NUDT4: variants seen among roughly 807,000 people sequenced by gnomAD.
The protein encoded by NUDT4 is diphosphoinositol polyphosphate phosphohydrolase 2.
NUDT4 carries 5 observed loss-of-function variants against 23.1 expected under a neutral mutation model. The ratio of observed to expected loss-of-function variants is 0.22; its 90% confidence interval spans 0.11 to 0.46. NUDT4 has a LOEUF of 0.46. Among genes scored for constraint, NUDT4 ranks in the 20% least tolerant of loss-of-function variants. The pLI is 0.99. For missense variants in NUDT4, 96 were observed against 211.6 expected, an observed-to-expected ratio of 0.45 and a Z score of 3.39; for synonymous variants, 50 against 79.0, an observed-to-expected ratio of 0.63 and a Z score of 1.95.
intron 2 of NUDT4, 117 bp downstream of exon 2, chr12:93,394,836 TTTTTAA>T (rs1876815623): frequency 3.3e-6 from 2 of 602,288 alleles, no homozygotes; most frequent in Admixed American, 6.2e-5. Context: ...TGCAACTTTA[TTTTTAA>T]TTTTAATTTT....
chr12:93,403,445 A>T lies in NUDT4; in HGVS notation c.*4066A>T, dbSNP rs896732232. ...GCGATTCTCCTGCCTCATCCTCCCG[A>T]GGAGCTGGGATCACAGGCGCCTGCC... On this transcript the variant is annotated 3_prime_UTR_variant, in exon 5 of 5. Coordinates refer to ENST00000415493, the MANE Select transcript of NUDT4 (RefSeq NM_019094.6). 1 of 152,086 alleles carries T rather than the reference A, an allele frequency of 6.6e-6. No homozygotes were observed. Among genetic ancestry groups the T allele is most frequent in the African/African-American group, 2.4e-5 (1 of 41,340 alleles). The allele number at this position is 152,086 out of a possible 1,614,324, so 9.4% of individuals were successfully genotyped here.
rs1191918115 is a variant in NUDT4, at chr12:93,405,630, G to A, written c.*6251G>A. 6.6e-6 allele frequency: 1 copy of A among 152,206 alleles called. No individual in the cohort carries two copies. The highest frequency in any genetic ancestry group is 2.4e-5 in the African/African-American group (1 of 41,434). 9.4% of individuals were successfully genotyped at this position (152,206 alleles called of 1,614,324 possible). ...TATACCTGACTTCCACGATAAAATG[G>A]AGATGAGTGCAGGGGTGAGTGTATA... On this transcript the variant is annotated 3_prime_UTR_variant, in exon 5 of 5. Transcript: ENST00000415493.
At chr12:93,379,630 T>A (rs536381097) in intron 1 of NUDT4, among the ~76,000 whole-genome samples, 3 of 152,316 alleles carry the variant, frequency 2.0e-5, no homozygotes, top group African/African-American at 7.2e-5. Flanking sequence ...TGCTCTGTGC[T>A]CACTCATAAC....
intron 1 of NUDT4, among the ~76,000 whole-genome samples, chr12:93,382,954 C>T (rs1227666221): frequency 6.6e-6 from 1 of 152,152 alleles, no homozygotes; most frequent in African/African-American, 2.4e-5. Context: ...AGCCACTGCA[C>T]CCGGCTTGGA....
rs1157446222 is a variant in NUDT4 at position 93,406,246 on chromosome 12, C to T, written c.*6867C>T. 1 of 105,918 alleles carries T rather than the reference C, an allele frequency of 9.4e-6. No individual in the cohort carries two copies. The highest frequency in any genetic ancestry group is 1.7e-5 in the Non-Finnish European group (1 of 57,182). 6.6% of individuals were successfully genotyped at this position (105,918 alleles called of 1,614,324 possible). ...TCATGCCACAGCACTCCAGCCTAAA[C>T]TACAGAGCTAGAAAGTGGCTAGAGC... On this transcript the variant is annotated 3_prime_UTR_variant, in exon 5 of 5. Coordinates refer to ENST00000415493, the MANE Select transcript of NUDT4 (RefSeq NM_019094.6).
chr12:93,404,743 G>A lies in NUDT4; in HGVS notation c.*5364G>A, dbSNP rs1485906985. On this transcript the variant is annotated 3_prime_UTR_variant, in exon 5 of 5. Transcript: ENST00000415493. Reference sequence around the variant, plus strand: ...CTGAAAAAGCTTAGTCACTTAAAATGAGGTTGTACAGATTGTAGATTTTGT... The same window carrying A: ...CTGAAAAAGCTTAGTCACTTAAAATAAGGTTGTACAGATTGTAGATTTTGT... The A allele has an allele frequency of 6.6e-6, 1 of 152,170 alleles. No homozygotes were observed. Among genetic ancestry groups the A allele is most frequent in the African/African-American group, 2.4e-5 (1 of 41,432 alleles). The allele number at this position is 152,170 out of a possible 1,614,324, so 9.4% of individuals were successfully genotyped here.
At chr12:93,388,866 T>G (rs956777300) in intron 1 of NUDT4, among the ~76,000 whole-genome samples, 7 of 152,216 alleles carry the variant, frequency 4.6e-5, no homozygotes, top group African/African-American at 1.7e-4. Flanking sequence ...TATTTAATCT[T>G]AAATTTAGCC....
chr12:93,384,901 C>T (rs1318213983), intron 1 of NUDT4, among the ~76,000 whole-genome samples: 1 of 152,230 alleles, frequency 6.6e-6, no homozygotes, highest in Non-Finnish European at 1.5e-5. Flanking sequence ...GGATTACAGG[C>T]ACATGCCATC....
At position 93,399,279 on chromosome 12, in the gene NUDT4, C is replaced by A; in HGVS notation, c.443C>A (p.Ser148Tyr). The A allele has an allele frequency of 8.1e-7, 1 of 1,240,672 alleles. No individual in the cohort carries two copies. Among genetic ancestry groups the A allele is most frequent in the Admixed American group, 1.7e-5 (1 of 58,650 alleles). 76.9% of individuals were successfully genotyped at this position (1,240,672 alleles called of 1,614,324 possible). A position where few individuals can be genotyped will look rare whatever the true frequency, so the allele number is the denominator to read the frequency against. Residue 148 changes from serine (S) to tyrosine (Y), a missense_variant, in exon 5 of 5, where the codon TCC becomes TAC. By Grantham distance (144) the Ser-to-Tyr change is moderately radical. Coordinates refer to ENST00000415493, the MANE Select transcript of NUDT4 (RefSeq NM_019094.6). ...EYLEKLKLGC[S>Y]PANGNSTVPS... ...CTGGAAAAGCTAAAGCTGGGTTGTT[C>A]CCCAGCCAATGGAAATTCTACAGTC...
rs1877595340 is a variant in NUDT4 at position 93,403,163 on chromosome 12, C to T, written c.*3784C>T. Reference sequence around the variant, plus strand: ...GGATGATTGGCATGAGCCACCTCGTCTGGCCTGCAGGTCTTTTTAAGCATT... The same window carrying T: ...GGATGATTGGCATGAGCCACCTCGTTTGGCCTGCAGGTCTTTTTAAGCATT... On this transcript the variant is annotated 3_prime_UTR_variant, in exon 5 of 5. Transcript: ENST00000415493. 1 of 152,006 alleles carries T rather than the reference C, an allele frequency of 6.6e-6. No homozygotes were observed. The highest frequency in any genetic ancestry group is 6.6e-5 in the Admixed American group (1 of 15,254). The allele number at this position is 152,006 out of a possible 1,614,324, so 9.4% of individuals were successfully genotyped here.
At chr12:93,393,345 C>T (rs1482952559) in intron 1 of NUDT4, among the ~76,000 whole-genome samples, 3 of 151,726 alleles carry the variant, frequency 2.0e-5, no homozygotes, top group East Asian at 1.9e-4. Flanking sequence ...CTCAGGTGAT[C>T]GCCCACCTCG....
intron 1 of NUDT4, among the ~76,000 whole-genome samples, chr12:93,383,002 T>TCATCTGTGCCTC (rs1875797936): frequency 6.6e-6 from 1 of 152,000 alleles, no homozygotes; most frequent in African/African-American, 2.4e-5. Flanking sequence ...ACCAACTTCT[T>TCATCTGTGCCTC]CATCTGTGCC....
intron 1 of NUDT4, among the ~76,000 whole-genome samples, chr12:93,387,228 G>A (rs1876171425): frequency 6.6e-6 from 1 of 152,074 alleles, no homozygotes; most frequent in Non-Finnish European, 1.5e-5. Flanking sequence ...CACTGCACCC[G>A]GCTAGACTGT....
intron 3 of NUDT4, among the ~76,000 whole-genome samples, chr12:93,396,560 A>C (rs1876947271): frequency 6.6e-6 from 1 of 152,172 alleles, no homozygotes; most frequent in Non-Finnish European, 1.5e-5. Flanking sequence ...ATTCAGAAAA[A>C]ATCCCGATTT....
Position 93,395,531 on chromosome 12 carries a change from G to A in NUDT4, c.253G>A (p.Glu85Lys). ...ACTAGGCAGACTTCTGGGCATATTT[G>A]AGGTGAGTTAAAAAGTAATCTTCAC... ...GKLGRLLGIF[E>K]NQDRKHRTYV... Residue 85 changes from glutamate to lysine, a missense_variant and splice_region_variant, in exon 3 of 5, where the codon GAG (glutamate) becomes AAG (lysine). Coordinates refer to ENST00000415493, the MANE Select transcript of NUDT4 (RefSeq NM_019094.6). 1 of 1,606,224 alleles carries A rather than the reference G, an allele frequency of 6.2e-7. No homozygotes were observed. The highest frequency in any genetic ancestry group is 1.1e-5 in the South Asian group (1 of 90,868).
At chr12:93,395,554 CACTTTGCTGATAATAGAATTAA>C in intron 3 of NUDT4, 21 bp downstream of exon 3, 1 of 1,578,122 alleles carries the variant, frequency 6.3e-7, no homozygotes, top group East Asian at 2.2e-5. Flanking sequence ...AAGTAATCTT[CACTTTGCTGATAATAGAATTAA>C]TGATTTCTTC....
Position 93,404,191 on chromosome 12 carries a change from G to A in NUDT4, c.*4812G>A, listed in dbSNP as rs530346030. ...AACCTTAAGAAACATGCCTATTGAC[G>A]AAGTAAATATACTAGGAATTCAACG... On this transcript the variant is annotated 3_prime_UTR_variant, in exon 5 of 5. Transcript: ENST00000415493. The A allele has an allele frequency of 4.3e-4, 65 of 152,084 alleles. No individual in the cohort carries two copies. Among genetic ancestry groups the A allele is most frequent in the Non-Finnish European group, 7.6e-4 (52 of 68,026 alleles). 9.4% of individuals were successfully genotyped at this position (152,084 alleles called of 1,614,324 possible).
At position 93,404,396 on chromosome 12, in the gene NUDT4, CAGCCTGTCGGAG is replaced by C. The variant is rs1877683987; in HGVS notation, c.*5021_*5032del. 6.6e-6 allele frequency: 1 copy of C among 152,214 alleles called. No homozygotes were observed. The highest frequency in any genetic ancestry group is 2.4e-5 in the African/African-American group (1 of 41,456). The allele number at this position is 152,214 out of a possible 1,614,324, so 9.4% of individuals were successfully genotyped here. A position where few individuals can be genotyped will look rare whatever the true frequency, so the allele number is the denominator to read the frequency against. The stretch of plus-strand genomic sequence containing the variant: ...GTAAGGATCTGAGTGGAAACTGATA[CAGCCTGTCGGAG>C]AGCTACTGAGTAGTATTTTATCACA... On this transcript the variant is annotated 3_prime_UTR_variant, in exon 5 of 5. Transcript: ENST00000415493.
chr12:93,392,666 CT>C lies in NUDT4; in HGVS notation c.100-1925del, dbSNP rs71307563. Among the ~76,000 whole-genome samples, 419 of 76,192 alleles carry C rather than the reference CT, an allele frequency of 5.5e-3. 2 individuals carry two copies. Among genetic ancestry groups the C allele is most frequent in the African/African-American group, 0.014 (239 of 17,552 alleles). 50.0% of individuals were successfully genotyped at this position (76,192 alleles called of 152,430 possible). On this transcript the variant is annotated intron_variant, in intron 1 of 4. Coordinates refer to ENST00000415493, the MANE Select transcript of NUDT4 (RefSeq NM_019094.6). Reference sequence around the variant, plus strand: ...TTTGTAACAATTTGTAGATTTCAGTCTTTTTTTTTTTTTTTTTTCCCCCGAG... The same window carrying C: ...TTTGTAACAATTTGTAGATTTCAGTCTTTTTTTTTTTTTTTTTCCCCCGAG...
Sources: allele counts gnomAD v4.1 joint callset (sites outside exome capture counted in the v4.1 genomes callset), GRCh38; gene constraint gnomAD v4.1.1; transcripts MANE v1.5; gene names NCBI Gene and HGNC (gene_info 2026-07-23, HGNC 2026-07-21).